The following CHCHD6 variants were observed in gnomAD, a reference collection of about 807,000 sequenced individuals.
The protein encoded by CHCHD6 is coiled-coil-helix-coiled-coil-helix domain containing 6, also known as MICOS complex subunit MIC25.
Under a neutral mutation model 32.3 loss-of-function variants are expected in CHCHD6, and 28 were observed. The observed-to-expected ratio is 0.87, with a 90% CI of 0.64 to 1.19. The LOEUF is 1.19. Among genes scored for constraint, CHCHD6 ranks in the 50% most tolerant of loss-of-function variants. The probability of loss-of-function intolerance (pLI) is 0.00; values close to 1 mark genes in which losing one functional copy is unlikely to be tolerated. For missense variants in CHCHD6, 333 were observed against 307.0 expected (o/e 1.08, Z -0.63); for synonymous variants, 122 against 117.5 (o/e 1.04, Z -0.25).
intron 5 of CHCHD6, among the ~76,000 whole-genome samples, chr3:126,882,819 A>G (rs1263101884): frequency 6.6e-6 from 1 of 152,114 alleles, no homozygotes; most frequent in Non-Finnish European, 1.5e-5. Flanking sequence ...TTCTGCCCTC[A>G]TTTTCTGGCG....
chr3:126,837,070 C>G (rs1327541532), intron 4 of CHCHD6, among the ~76,000 whole-genome samples: 1 of 152,202 alleles, frequency 6.6e-6, no homozygotes, highest in Non-Finnish European at 1.5e-5. Flanking sequence ...ACCTTATCAT[C>G]CTTGTGCCCT....
At chr3:126,775,704 G>A (rs964609273) in intron 4 of CHCHD6, among the ~76,000 whole-genome samples, 9 of 152,230 alleles carry the variant, frequency 5.9e-5, no homozygotes, top group Non-Finnish European at 1.0e-4. Context: ...GTAACTCAGA[G>A]CTTCATGGAG....
At chr3:126,852,751 C>A in intron 5 of CHCHD6, 21 bp downstream of exon 5, 2 of 1,561,200 alleles carry the variant, frequency 1.3e-6, no homozygotes, top group Non-Finnish European at 1.8e-6. Context: ...TGCTTGGCTG[C>A]ATTCCTCGGG....
At chr3:126,951,744 A>T (rs1366134446) in intron 6 of CHCHD6, among the ~76,000 whole-genome samples, 1 of 152,188 alleles carries the variant, frequency 6.6e-6, no homozygotes, top group Non-Finnish European at 1.5e-5. Context: ...CCAACTTCTC[A>T]GGGCACTCAG....
At chr3:126,785,102 A>G (rs184831259) in intron 4 of CHCHD6, among the ~76,000 whole-genome samples, 243 of 152,246 alleles carry the variant, frequency 1.6e-3, no homozygotes, top group Non-Finnish European at 2.7e-3. Context: ...TTGCACGGCC[A>G]TAGTACAGAG....
chr3:126,785,939 T>C (rs930694357), intron 4 of CHCHD6, among the ~76,000 whole-genome samples: 1 of 152,188 alleles, frequency 6.6e-6, no homozygotes, highest in Non-Finnish European at 1.5e-5. Context: ...AAACTTGTCA[T>C]TTACATTAGG....
At chr3:126,733,745 T>C (rs1935917208) in intron 4 of CHCHD6, among the ~76,000 whole-genome samples, 1 of 152,236 alleles carries the variant, frequency 6.6e-6, no homozygotes, top group African/African-American at 2.4e-5. Context: ...GTCCAGGACT[T>C]AGCACATGCT....
intron 5 of CHCHD6, among the ~76,000 whole-genome samples, chr3:126,864,435 C>A (rs1942154174): frequency 1.4e-5 from 2 of 146,900 alleles, no homozygotes; most frequent in Admixed American, 1.4e-4. Flanking sequence ...TCCTCCACCA[C>A]CTTCACCATC....
At chr3:126,947,557 CTCTGTGACTGCGGGCCAGTCACGTGAGCT>C (rs1376565189) in intron 6 of CHCHD6, among the ~76,000 whole-genome samples, 1 of 152,218 alleles carries the variant, frequency 6.6e-6, no homozygotes, top group Non-Finnish European at 1.5e-5. Flanking sequence ...CCTCTCACTG[CTCTGTGACTGCGGGCCAGTCACGTGAGCT>C]GCCTGTGACT....
chr3:126,767,044 C>G (rs1375493197), intron 4 of CHCHD6: 1 of 924,856 alleles, frequency 1.1e-6, no homozygotes, highest in East Asian at 2.4e-5. Flanking sequence ...TGAAGATGGT[C>G]ACTCAATGGG....
chr3:126,822,634 G>C (rs953715904), intron 4 of CHCHD6, among the ~76,000 whole-genome samples: 3 of 152,206 alleles, frequency 2.0e-5, no homozygotes, highest in African/African-American at 7.2e-5. Flanking sequence ...GATAGGAAAT[G>C]TATTGAATCT....
chr3:126,925,762 C>T (rs1245186230), intron 6 of CHCHD6, among the ~76,000 whole-genome samples: 1 of 152,250 alleles, frequency 6.6e-6, no homozygotes, highest in Non-Finnish European at 1.5e-5. Context: ...ACCCCTGCTC[C>T]AGCACCGGGG....
intron 4 of CHCHD6, among the ~76,000 whole-genome samples, chr3:126,835,363 T>A (rs994986102): frequency 1.4e-4 from 21 of 152,202 alleles, no homozygotes; most frequent in African/African-American, 5.1e-4. Flanking sequence ...CCAGGCAGCT[T>A]GTTCTCTGGT....
At chr3:126,769,994 C>G (rs1397000064) in intron 4 of CHCHD6, among the ~76,000 whole-genome samples, 1 of 152,084 alleles carries the variant, frequency 6.6e-6, no homozygotes, top group Non-Finnish European at 1.5e-5. Flanking sequence ...TTGTTTGTGT[C>G]ATCTCTGATT....
intron 6 of CHCHD6, among the ~76,000 whole-genome samples, chr3:126,948,962 G>T (rs575603028): frequency 3.9e-5 from 6 of 152,198 alleles, no homozygotes; most frequent in African/African-American, 1.4e-4. Flanking sequence ...GCTCATGTGG[G>T]CCAAACCCAT....
chr3:126,784,812 C>T (rs1400049937), intron 4 of CHCHD6, among the ~76,000 whole-genome samples: 1 of 152,182 alleles, frequency 6.6e-6, no homozygotes, highest in Non-Finnish European at 1.5e-5. Context: ...TTGTGATCCT[C>T]ACTGGATTTT....
rs925607204 is a variant in CHCHD6, at chr3:126,767,416, C to T, written c.411+34194C>T. On this transcript the variant is annotated intron_variant, in intron 4 of 7. Coordinates refer to ENST00000290913, the MANE Select transcript of CHCHD6 (RefSeq NM_032343.3). ...CGATGAGTCTGGGGGCTCCTACTCTCTTGGTGTCACCATGTCCCAGCTGCC... is the reference window on the plus strand; with the variant it reads ...CGATGAGTCTGGGGGCTCCTACTCTTTTGGTGTCACCATGTCCCAGCTGCC... 119 of 731,022 alleles carry T rather than the reference C, an allele frequency of 1.6e-4. No homozygotes were observed. The African/African-American group carries it at 1.7e-3, about 11-fold the overall frequency. 45.3% of individuals were successfully genotyped at this position (731,022 alleles called of 1,614,324 possible). A position where few individuals can be genotyped will look rare whatever the true frequency, so the allele number is the denominator to read the frequency against.
intron 4 of CHCHD6, among the ~76,000 whole-genome samples, chr3:126,753,418 A>T (rs1225284448): frequency 1.3e-5 from 2 of 152,172 alleles, no homozygotes; most frequent in Admixed American, 6.5e-5. Context: ...CTGGGTGCAG[A>T]TCATTCCAAA....
chr3:126,898,404 G>A (rs1483409016), intron 5 of CHCHD6, among the ~76,000 whole-genome samples: 1 of 152,226 alleles, frequency 6.6e-6, no homozygotes, highest in Non-Finnish European at 1.5e-5. Context: ...GCCAGCTGGG[G>A]CACCGAGGAG....
Sources: gnomAD v4.1 joint callset for allele counts (sites outside exome capture counted in the v4.1 genomes callset) on GRCh38, gnomAD v4.1.1 for gene constraint, MANE v1.5 for transcripts, NCBI Gene and HGNC (gene_info 2026-07-23, HGNC 2026-07-21) for gene names.